HAPSTR1: variants seen among roughly 807,000 people sequenced by gnomAD.
The protein encoded by HAPSTR1 is HUWE1 associated protein modifying stress responses.
At chr16:9,101,523 A>G in the HAPSTR1 span, among the ~76,000 whole-genome samples, 1 of 151,974 alleles carries the variant, frequency 6.6e-6, no homozygotes, top group African/African-American at 2.4e-5. Context: ...ATTTTAAAGT[A>G]TTTTTTCTTT....
the HAPSTR1 span, among the ~76,000 whole-genome samples, chr16:9,093,984 G>C: frequency 6.6e-6 from 1 of 152,016 alleles, no homozygotes; most frequent in African/African-American, 2.4e-5. Flanking sequence ...ACCAATATTG[G>C]TATTTTTGCC....
At chr16:9,102,787 G>C in the HAPSTR1 span, among the ~76,000 whole-genome samples, 1 of 151,828 alleles carries the variant, frequency 6.6e-6, no homozygotes, top group Non-Finnish European at 1.5e-5. Context: ...AGTAAACACT[G>C]AATTTAGACC....
At chr16:9,097,755 C>G in the HAPSTR1 span, among the ~76,000 whole-genome samples, 4 of 152,178 alleles carry the variant, frequency 2.6e-5, no homozygotes, top group South Asian at 8.3e-4. Context: ...GGCAGAATGG[C>G]TTGTGGCTCA....
the HAPSTR1 span, chr16:9,103,166 A>T: frequency 1.2e-6 from 2 of 1,614,126 alleles, no homozygotes; most frequent in Non-Finnish European, 1.7e-6. Flanking sequence ...CCCAAGACTG[A>T]CTGTAGTGTC....
the HAPSTR1 span, among the ~76,000 whole-genome samples, chr16:9,115,776 G>A: frequency 1.3e-5 from 2 of 152,110 alleles, no homozygotes; most frequent in Non-Finnish European, 1.5e-5. Flanking sequence ...ACCACGCCGG[G>A]CTAATTTTTG....
chr16:9,091,961 C>A, the HAPSTR1 span: 16 of 1,198,114 alleles, frequency 1.3e-5, no homozygotes, highest in Non-Finnish European at 1.7e-5. Context: ...GCCGCCGGGC[C>A]GCTTGACGAC....
chr16:9,119,565 AT>A, the HAPSTR1 span: 1 of 152,212 alleles, frequency 6.6e-6, no homozygotes, highest in Non-Finnish European at 1.5e-5. Context: ...AATGTTTAAT[AT>A]TTTTTAGAGC....
At chr16:9,117,139 T>A in the HAPSTR1 span, 1 of 591,044 alleles carries the variant, frequency 1.7e-6, no homozygotes, top group South Asian at 2.3e-5. Context: ...TCAGATATTG[T>A]GTAGTCGTTA....
At chr16:9,103,352 G>GT in the HAPSTR1 span, 6 of 1,346,108 alleles carry the variant, frequency 4.5e-6, no homozygotes, top group East Asian at 2.5e-5. Flanking sequence ...CAGATATACT[G>GT]TTTTTTGTCT....
chr16:9,120,731 G>T, the HAPSTR1 span: 1 of 138,010 alleles, frequency 7.2e-6, no homozygotes, highest in Non-Finnish European at 1.5e-5. Context: ...AGGCTGGAGT[G>T]CAGTGGCACG....
At chr16:9,119,605 C>T in the HAPSTR1 span, 1 of 152,194 alleles carries the variant, frequency 6.6e-6, no homozygotes, top group Non-Finnish European at 1.5e-5. Flanking sequence ...TTGGCTGAAT[C>T]TAAAGACCTG....
chr16:9,105,184 C>T, the HAPSTR1 span: 55 of 152,288 alleles, frequency 3.6e-4, no homozygotes, highest in African/African-American at 1.2e-3. Context: ...AGCAATGATA[C>T]AGTTGAAGGG....
At chr16:9,101,819 T>C in the HAPSTR1 span, among the ~76,000 whole-genome samples, 1 of 152,002 alleles carries the variant, frequency 6.6e-6, no homozygotes, top group Non-Finnish European at 1.5e-5. Flanking sequence ...GCTGTAGATG[T>C]AGCAGACAAG....
At chr16:9,102,988 C>T in the HAPSTR1 span, 33 of 1,613,442 alleles carry the variant, frequency 2.0e-5, no homozygotes, top group East Asian at 6.7e-5. Context: ...TAACAGAAAG[C>T]GTGGATACCC....
chr16:9,113,005 G>GTTTTTTTTTTTTTTTT, the HAPSTR1 span: 1 of 136,652 alleles, frequency 7.3e-6, no homozygotes, highest in Non-Finnish European at 1.6e-5. Context: ...GTACAACTTG[G>GTTTTTTTTTTTTTTTT]TTTTTTTTTT....
At chr16:9,098,871 A>T in the HAPSTR1 span, among the ~76,000 whole-genome samples, 1 of 152,190 alleles carries the variant, frequency 6.6e-6, no homozygotes, top group African/African-American at 2.4e-5. Flanking sequence ...TCTGTCAATG[A>T]ACTTTGGACA....
At chr16:9,119,431 C>G in the HAPSTR1 span, 1 of 152,212 alleles carries the variant, frequency 6.6e-6, no homozygotes, top group Non-Finnish European at 1.5e-5. Context: ...TCGTCTTAAG[C>G]CAGATTCTCT....
the HAPSTR1 span, among the ~76,000 whole-genome samples, chr16:9,099,596 C>CT: frequency 6.6e-6 from 1 of 152,196 alleles, no homozygotes; most frequent in East Asian, 1.9e-4. Flanking sequence ...GTATGTGGCT[C>CT]TTTTTCACAG....
At chr16:9,120,046 C>G in the HAPSTR1 span, 1 of 152,220 alleles carries the variant, frequency 6.6e-6, no homozygotes, top group African/African-American at 2.4e-5. Flanking sequence ...GCTACTACCT[C>G]TAGTGGTGAC....
Sources: allele counts gnomAD v4.1 joint callset (sites outside exome capture counted in the v4.1 genomes callset), GRCh38; gene constraint gnomAD v4.1.1; transcripts MANE v1.5; gene names NCBI Gene and HGNC (gene_info 2026-07-23, HGNC 2026-07-21).